The following PLAGL1 variants were observed in gnomAD, a reference collection of about 807,000 sequenced individuals.
PLAGL1 encodes PLAG1 like zinc finger 1.
A neutral mutation model predicts 4.6 loss-of-function variants in PLAGL1; 1 was observed. The ratio of observed to expected loss-of-function variants is 0.22; its 90% confidence interval spans 0.08 to 1.03. The LOEUF is 1.03. Among genes scored for constraint, PLAGL1 ranks in the 50% least tolerant of loss-of-function variants. The pLI, the probability that PLAGL1 is intolerant of heterozygous loss-of-function variation, is 0.58. For synonymous variants in PLAGL1, 240 were observed against 237.8 expected (o/e 1.01, Z -0.08); for missense variants, 464 against 570.4 (o/e 0.81, Z 1.90).
At position 143,965,259 on chromosome 6, in the gene PLAGL1, C is replaced by T. The variant is rs1450739226; in HGVS notation, c.-430-441G>A. The T allele has an allele frequency of 1.3e-5, 2 of 152,134 alleles. No homozygotes were observed. The highest frequency in any genetic ancestry group is 2.9e-5 in the Non-Finnish European group (2 of 68,026). 9.4% of individuals were successfully genotyped at this position (152,134 alleles called of 1,614,324 possible). ...TATCCAAACAAATTCCACTTGAGTT[C>T]CGTGGCTGAATGTCTGAGACCTTCA... is the stretch of plus-strand genomic sequence containing the variant. On this transcript the variant is annotated intron_variant, in intron 4 of 7. Coordinates refer to ENST00000674357, the MANE Select transcript of PLAGL1 (RefSeq NM_001317162.2). The surrounding 1 kb of genome is among the most constrained non-coding windows in gnomAD (Gnocchi z 7.5).
In PLAGL1 at chr6:143,977,789, T is replaced by A. The variant is rs563218546; in HGVS notation, c.-544+7346A>T. 7.2e-5 allele frequency among the ~76,000 whole-genome samples: 11 copies of A among 152,220 alleles called. No individual in the cohort carries two copies. The East Asian group carries it at 2.1e-3, about 29-fold the overall frequency. On this transcript the variant is annotated intron_variant, in intron 2 of 7. Transcript: ENST00000674357. Reference sequence around the variant, plus strand: ...TGCTGGGGTTATAGGTGTGAGCCACTGCACCCGGCCAGCTCATTTCTTTTT... The same window carrying A: ...TGCTGGGGTTATAGGTGTGAGCCACAGCACCCGGCCAGCTCATTTCTTTTT...
chr6:143,998,418 C>G (rs1792133280), intron 1 of PLAGL1, among the ~76,000 whole-genome samples: 3 of 152,198 alleles, frequency 2.0e-5, no homozygotes, highest in Non-Finnish European at 4.4e-5. Context: ...TTGCCACTTA[C>G]TAACTATATG....
chr6:144,000,136 G>T lies in PLAGL1; in HGVS notation c.-584+7954C>A, dbSNP rs1284639290. Among the ~76,000 whole-genome samples, 4 of 152,100 alleles carry T rather than the reference G, an allele frequency of 2.6e-5. No individual in the cohort carries two copies. The highest frequency in any genetic ancestry group is 5.9e-5 in the Non-Finnish European group (4 of 67,988). On this transcript the variant is annotated intron_variant, in intron 1 of 7. Transcript: ENST00000674357. The surrounding 1 kb of genome is among the most constrained non-coding windows in gnomAD (Gnocchi z 4.1). ...AAACTCTTAGAGAACTAGAAGAAGA[G>T]AACTTTAAATATCCCGCAACAACAT...
rs1175051775 is a variant in PLAGL1, at chr6:143,985,508, C to T, written c.-583-334G>A. 6.6e-6 allele frequency among the ~76,000 whole-genome samples: 1 copy of T among 152,138 alleles called. No individual in the cohort carries two copies. The highest frequency in any genetic ancestry group is 1.9e-4 in the East Asian group (1 of 5,188). On this transcript the variant is annotated intron_variant, in intron 1 of 7. Transcript: ENST00000674357. The surrounding 1 kb of genome is among the most constrained non-coding windows in gnomAD (Gnocchi z 4.4). Reference sequence around the variant, plus strand: ...CATGTTGCCCTTTTACAATCACACACCACCTCCTTTGCCAAAATCTCTTTC... The same window carrying T: ...CATGTTGCCCTTTTACAATCACACATCACCTCCTTTGCCAAAATCTCTTTC...
rs531050554 is a variant in PLAGL1, at chr6:144,027,130, G to A, written c.-151+37338C>T. Among the ~76,000 whole-genome samples the A allele has an allele frequency of 6.6e-5, 10 of 151,992 alleles. No individual in the cohort carries two copies. Among genetic ancestry groups the A allele is most frequent in the Non-Finnish European group, 1.3e-4 (9 of 67,980 alleles). ...TCCCAGCTACTCAGGAGGCTGAGGT[G>A]GGAGGATCACCTGAGCCCACGAGTT... is the stretch of plus-strand genomic sequence containing the variant. On this transcript the variant is annotated intron_variant, in intron 1 of 3. Transcript: ENST00000437412. This position sits in a 1 kb window ranked among gnomAD's most constrained non-coding sequence, Gnocchi z 5.8.
At position 143,971,792 on chromosome 6, in the gene PLAGL1, G is replaced by T. The variant is rs1036841680; in HGVS notation, c.-543-2814C>A. Reference sequence around the variant, plus strand: ...ATCATAGAATTAAATCATGTAAAATGGCAGCCTTATCCATCTCAATCACTA... The same window carrying T: ...ATCATAGAATTAAATCATGTAAAATTGCAGCCTTATCCATCTCAATCACTA... On this transcript the variant is annotated intron_variant, in intron 2 of 7. Coordinates refer to ENST00000674357, the MANE Select transcript of PLAGL1 (RefSeq NM_001317162.2). This position sits in a 1 kb window ranked among gnomAD's most constrained non-coding sequence, Gnocchi z 4.7. Among the ~76,000 whole-genome samples, 1 of 152,188 alleles carries T rather than the reference G, an allele frequency of 6.6e-6. No homozygotes were observed. Among genetic ancestry groups the T allele is most frequent in the Non-Finnish European group, 1.5e-5 (1 of 68,034 alleles).
At position 144,063,591 on chromosome 6, in the gene PLAGL1, CCA is replaced by C. The variant is rs1268808391; in HGVS notation, c.-151+875_-151+876del. On this transcript the variant is annotated intron_variant, in intron 1 of 3. Coordinates refer to the PLAGL1 transcript ENST00000437412. The surrounding 1 kb of genome is among the most constrained non-coding windows in gnomAD (Gnocchi z 5.7). Reference sequence around the variant, plus strand: ...CATCGGAGTTCTGTTCTTTCGGTGGCCACACAGATGCTCAATGCCACGACCCT... The same window carrying C: ...CATCGGAGTTCTGTTCTTTCGGTGGCCACAGATGCTCAATGCCACGACCCT... Among the ~76,000 whole-genome samples, 9 of 152,212 alleles carry C rather than the reference CCA, an allele frequency of 5.9e-5. No homozygotes were observed. The highest frequency in any genetic ancestry group is 5.9e-4 in the Admixed American group (9 of 15,276).
At position 143,984,498 on chromosome 6, in the gene PLAGL1, G is replaced by A. The variant is rs1788605789; in HGVS notation, c.-544+637C>T. Among the ~76,000 whole-genome samples, 1 of 151,894 alleles carries A rather than the reference G, an allele frequency of 6.6e-6. No individual in the cohort carries two copies. Among genetic ancestry groups the A allele is most frequent in the South Asian group, 2.1e-4 (1 of 4,808 alleles). The stretch of plus-strand genomic sequence containing the variant: ...CATCCTAAGGAATGAGTATGCCAAG[G>A]TAGGTACTATCGGGAAGACTGTATT... On this transcript the variant is annotated intron_variant, in intron 2 of 7. Coordinates refer to ENST00000674357, the MANE Select transcript of PLAGL1 (RefSeq NM_001317162.2). This position sits in a 1 kb window ranked among gnomAD's most constrained non-coding sequence, Gnocchi z 5.5.
intron 1 of PLAGL1, among the ~76,000 whole-genome samples, chr6:144,024,124 T>C (rs1796169371): frequency 6.6e-6 from 1 of 152,168 alleles, no homozygotes; most frequent in South Asian, 2.1e-4. Context: ...TAGCTATGTG[T>C]GTATGCACAG....
rs530659971 is a variant in PLAGL1, at chr6:143,959,292, C to T, written c.-325+1177G>A. ...CAGACAAGGCCTGCTGTGTTAGCCA[C>T]ACCCCACCTGTTCGCAGCCCATGGA... On this transcript the variant is annotated intron_variant, in intron 6 of 7. Coordinates refer to ENST00000674357, the MANE Select transcript of PLAGL1 (RefSeq NM_001317162.2). This position sits in a 1 kb window ranked among gnomAD's most constrained non-coding sequence, Gnocchi z 5.3. Among the ~76,000 whole-genome samples the T allele has an allele frequency of 6.6e-6, 1 of 152,126 alleles. No homozygotes were observed. The highest frequency in any genetic ancestry group is 2.4e-5 in the African/African-American group (1 of 41,422).
chr6:143,950,890 CTTTAA>C lies in PLAGL1; in HGVS notation c.-324-2435_-324-2431del, dbSNP rs1441864052. Among the ~76,000 whole-genome samples the C allele has an allele frequency of 6.6e-6, 1 of 152,222 alleles. No homozygotes were observed. The highest frequency in any genetic ancestry group is 1.9e-4 in the East Asian group (1 of 5,198). ...AAACTGAAACTTTTACTTTATTTAACTTTAATTTAAATTGCCACATAGTGCCAGTG... is the reference window on the plus strand; with the variant it reads ...AAACTGAAACTTTTACTTTATTTAACTTTAAATTGCCACATAGTGCCAGTG... On this transcript the variant is annotated intron_variant, in intron 6 of 7. Transcript: ENST00000674357. The surrounding 1 kb of genome is among the most constrained non-coding windows in gnomAD (Gnocchi z 6.3).
chr6:144,037,775 A>G (rs921216159), intron 1 of PLAGL1: 7 of 152,186 alleles, frequency 4.6e-5, no homozygotes, highest in South Asian at 4.1e-4. Flanking sequence ...TCACAAAAAA[A>G]CCCAAACCCA....
intron 1 of PLAGL1, among the ~76,000 whole-genome samples, chr6:143,987,635 T>C (rs1789524587): frequency 6.6e-6 from 1 of 152,040 alleles, no homozygotes; most frequent in Admixed American, 6.6e-5. Context: ...CGATGCCTGT[T>C]TGCCCTTCTT....
intron 1 of PLAGL1, among the ~76,000 whole-genome samples, chr6:144,047,789 C>G (rs944500886): frequency 1.3e-5 from 2 of 152,166 alleles, no homozygotes; most frequent in African/African-American, 4.8e-5. Flanking sequence ...GCCCCTGACA[C>G]CCCCAAATCT....
intron 1 of PLAGL1, among the ~76,000 whole-genome samples, chr6:144,018,386 G>A (rs1007673840): frequency 6.6e-6 from 1 of 152,190 alleles, no homozygotes; most frequent in Non-Finnish European, 1.5e-5. Context: ...GCGGGGGTGA[G>A]AGGATGGGGT....
chr6:143,999,111 A>C (rs1218639873), intron 1 of PLAGL1, among the ~76,000 whole-genome samples: 1 of 152,194 alleles, frequency 6.6e-6, no homozygotes, highest in East Asian at 1.9e-4. Context: ...CAAGGTGCTG[A>C]GGGGAGTGAA....
At chr6:144,057,757 C>G (rs2128729605) in intron 1 of PLAGL1, among the ~76,000 whole-genome samples, 1 of 149,536 alleles carries the variant, frequency 6.7e-6, no homozygotes, top group South Asian at 2.1e-4. Flanking sequence ...CCATGCCTTC[C>G]ACACCACCAC....
intron 2 of PLAGL1, among the ~76,000 whole-genome samples, chr6:143,981,614 T>C (rs1290164264): frequency 6.6e-6 from 1 of 152,194 alleles, no homozygotes; most frequent in Non-Finnish European, 1.5e-5. Flanking sequence ...ACTTGTCCAA[T>C]GTCGGAATGC....
At chr6:144,032,385 A>T (rs1034794591) in intron 1 of PLAGL1, among the ~76,000 whole-genome samples, 1 of 151,938 alleles carries the variant, frequency 6.6e-6, no homozygotes, top group African/African-American at 2.4e-5. Context: ...CAGCCCCACA[A>T]AGTGCTGGGA....
Sources: allele counts gnomAD v4.1 joint callset (sites outside exome capture counted in the v4.1 genomes callset), GRCh38; gene constraint gnomAD v4.1.1; non-coding constraint Gnocchi (gnomAD v3.1); transcripts MANE v1.5; gene names NCBI Gene and HGNC (gene_info 2026-07-23, HGNC 2026-07-21).